FAM227B: variants seen among roughly 807,000 people sequenced by gnomAD.
The protein encoded by FAM227B is family with sequence similarity 227 member B.
Under a neutral mutation model 73.8 loss-of-function variants are expected in FAM227B, and 88 were observed. The observed-to-expected ratio is 1.19, with a 90% CI of 1.00 to 1.42. FAM227B has a LOEUF of 1.42. Among genes scored for constraint, FAM227B ranks in the 40% most tolerant of loss-of-function variants. The pLI is 0.00. For synonymous variants in FAM227B, 210 were observed against 190.5 expected (o/e 1.10, Z -0.84); for missense variants, 632 against 590.9 (o/e 1.07, Z -0.72).
Position 49,525,457 on chromosome 15 carries a change from A to G in FAM227B, c.874+16223T>C, listed in dbSNP as rs139497378. 3.3e-5 allele frequency among the ~76,000 whole-genome samples: 5 copies of G among 151,936 alleles called. No individual in the cohort carries two copies. In the East Asian group the frequency reaches 7.8e-4, roughly 24 times the overall value. ...ACCTTTTTCCTGTATGAATTACCCA[A>G]TCTTGGATATGTCTTTATTGGCAGC... On this transcript the variant is annotated intron_variant, in intron 10 of 15. Coordinates refer to ENST00000299338, the MANE Select transcript of FAM227B (RefSeq NM_152647.3).
At chr15:49,507,604 G>A (rs1317827955) in intron 11 of FAM227B, among the ~76,000 whole-genome samples, 1 of 152,016 alleles carries the variant, frequency 6.6e-6, no homozygotes, top group African/African-American at 2.4e-5. Context: ...GAGTAACTGA[G>A]GACTTTGGTC....
chr15:49,502,737 G>T (rs1252592348), intron 11 of FAM227B, among the ~76,000 whole-genome samples: 1 of 152,174 alleles, frequency 6.6e-6, no homozygotes, highest in African/African-American at 2.4e-5. Flanking sequence ...GACAAGATTT[G>T]GGAGGGGTCA....
At chr15:49,375,619 G>T (rs1179519844) in intron 11 of FAM227B, among the ~76,000 whole-genome samples, 1 of 152,012 alleles carries the variant, frequency 6.6e-6, no homozygotes, top group East Asian at 1.9e-4. Context: ...TTAAGCTTAA[G>T]ATTTGATCAA....
intron 11 of FAM227B, among the ~76,000 whole-genome samples, chr15:49,395,042 G>T (rs2047477390): frequency 6.6e-6 from 1 of 152,078 alleles, no homozygotes; most frequent in Non-Finnish European, 1.5e-5. Flanking sequence ...TTACGGATTT[G>T]TCAGTTAATC....
At chr15:49,518,270 A>G (rs535478373) in intron 10 of FAM227B, among the ~76,000 whole-genome samples, 22 of 152,226 alleles carry the variant, frequency 1.4e-4, no homozygotes, top group African/African-American at 5.3e-4. Flanking sequence ...TTTTATCTTA[A>G]AAAATATAGG....
chr15:49,342,043 T>C (rs1178071128), intron 13 of FAM227B, among the ~76,000 whole-genome samples: 2 of 152,252 alleles, frequency 1.3e-5, no homozygotes, highest in Non-Finnish European at 2.9e-5. Context: ...GTATCTCTTA[T>C]GTCCTATTGG....
Position 49,589,880 on chromosome 15 carries a change from A to G in FAM227B, c.233T>C (p.Phe78Ser), listed in dbSNP as rs778260905. 1 of 1,606,956 alleles carries G rather than the reference A, an allele frequency of 6.2e-7. No homozygotes were observed. The highest frequency in any genetic ancestry group is 8.5e-7 in the Non-Finnish European group (1 of 1,173,542). ...THLWENVPRI[F>S]EALLIMESKL... ...TGATTCCATGATCAAAAGTGCTTCA[A>G]ATATTCGAGGAACATTTTCCCATAG... Residue 78 changes from phenylalanine (F) to serine (S), a missense_variant, in exon 4 of 16, where the codon TTT becomes TCT. Physicochemically the swap from Phe to Ser is radical, Grantham distance 155. Coordinates refer to ENST00000299338, the MANE Select transcript of FAM227B (RefSeq NM_152647.3).
intron 11 of FAM227B, among the ~76,000 whole-genome samples, chr15:49,422,151 T>C (rs368172052): frequency 2.2e-5 from 2 of 91,494 alleles, no homozygotes. Context: ...AGAGAGTGTG[T>C]GTGTGTGTGT....
intron 10 of FAM227B, among the ~76,000 whole-genome samples, chr15:49,508,825 T>C (rs1436149968): frequency 6.6e-6 from 1 of 152,194 alleles, no homozygotes; most frequent in East Asian, 1.9e-4. Flanking sequence ...TCTAGATAGA[T>C]TGCCTATGTT....
At chr15:49,518,212 T>C (rs898702651) in intron 10 of FAM227B, among the ~76,000 whole-genome samples, 2 of 152,196 alleles carry the variant, frequency 1.3e-5, no homozygotes, top group Admixed American at 6.6e-5. Context: ...ATATTGGCAG[T>C]TGTCCAAAAT....
At chr15:49,481,475 A>C (rs545239263) in intron 11 of FAM227B, among the ~76,000 whole-genome samples, 2 of 152,348 alleles carry the variant, frequency 1.3e-5, no homozygotes, top group Admixed American at 6.5e-5. Flanking sequence ...CTGTGAATTA[A>C]GCCTAGCATA....
chr15:49,344,092 T>C (rs985246287), intron 13 of FAM227B: 10 of 152,210 alleles, frequency 6.6e-5, no homozygotes, highest in Admixed American at 1.3e-4. Context: ...TTTTAAATAA[T>C]TGAAGCAGCG....
At chr15:49,509,815 ATT>A (rs952686088) in intron 10 of FAM227B, among the ~76,000 whole-genome samples, 5 of 152,134 alleles carry the variant, frequency 3.3e-5, no homozygotes, top group African/African-American at 1.2e-4. Flanking sequence ...ATCCTACAGG[ATT>A]TAGAAACAAA....
intron 8 of FAM227B, among the ~76,000 whole-genome samples, chr15:49,574,085 C>T (rs371713575): frequency 8.6e-5 from 13 of 151,988 alleles, no homozygotes; most frequent in African/African-American, 3.1e-4. Context: ...TAAAAAAAAA[C>T]TGACTTTGTA....
chr15:49,572,909 T>C (rs1020959574), intron 8 of FAM227B, among the ~76,000 whole-genome samples: 3 of 151,962 alleles, frequency 2.0e-5, no homozygotes, highest in Non-Finnish European at 4.4e-5. Context: ...AGTTTCTTTA[T>C]TTTCTCTTTT....
chr15:49,434,556 A>G (rs1311258449), intron 11 of FAM227B: 2 of 151,610 alleles, frequency 1.3e-5, no homozygotes, highest in African/African-American at 4.8e-5. Context: ...CCTCAGAGGA[A>G]ATGCTTTTTG....
intron 11 of FAM227B, among the ~76,000 whole-genome samples, chr15:49,471,855 G>GT (rs1303473652): frequency 6.6e-6 from 1 of 152,074 alleles, no homozygotes; most frequent in Non-Finnish European, 1.5e-5. Context: ...CAGAAAAGAC[G>GT]TATCAAGCTA....
Position 49,508,295 on chromosome 15 carries a change from T to G in FAM227B, c.928A>C (p.Thr310Pro). ...WIHWKLKELS[T>P]TTIHGSKKAP... Reference sequence around the variant, plus strand: ...TTTTTGCTACCATGAATGGTGGTTGTGGAGAGTTCTTTCAGTTTCCAGTGG... The same window carrying G: ...TTTTTGCTACCATGAATGGTGGTTGGGGAGAGTTCTTTCAGTTTCCAGTGG... Residue 310 changes from threonine to proline, a missense_variant, in exon 11 of 16, where the codon ACA (threonine) becomes CCA (proline). Transcript: ENST00000299338. The G allele has an allele frequency of 6.2e-7, 1 of 1,611,200 alleles. No individual in the cohort carries two copies. The highest frequency in any genetic ancestry group is 8.5e-7 in the Non-Finnish European group (1 of 1,178,770).
intron 11 of FAM227B, among the ~76,000 whole-genome samples, chr15:49,466,203 A>G (rs2054251880): frequency 6.6e-6 from 1 of 152,238 alleles, no homozygotes; most frequent in African/African-American, 2.4e-5. Flanking sequence ...TTCACCTCAG[A>G]CCTGTTGGAT....
Sources: gnomAD v4.1 joint callset for allele counts (sites outside exome capture counted in the v4.1 genomes callset) on GRCh38, gnomAD v4.1.1 for gene constraint, MANE v1.5 for transcripts, NCBI Gene and HGNC (gene_info 2026-07-23, HGNC 2026-07-21) for gene names.